AKT3: variants seen among roughly 807,000 people sequenced by gnomAD.
The protein encoded by AKT3 is AKT serine/threonine kinase 3, also known as RAC-gamma serine/threonine-protein kinase.
In AKT3, 15 loss-of-function variants were observed where a neutral mutation model predicts 65.3. The ratio of observed to expected loss-of-function variants is 0.23; its 90% CI spans 0.15 to 0.35. The LOEUF (loss-of-function observed/expected upper bound fraction) is 0.35. Ranked by LOEUF, AKT3 falls within the 10% of genes least tolerant of loss-of-function variation. AKT3 has a pLI of 1.00. For missense variants in AKT3, 243 were observed against 576.5 expected, an observed-to-expected ratio of 0.42 and a Z score of 5.92; for synonymous variants, 206 against 183.8, an observed-to-expected ratio of 1.12 and a Z score of -0.98.
chr1:243,588,353 G>GT (rs1485254288), intron 8 of AKT3, among the ~76,000 whole-genome samples: 1 of 152,190 alleles, frequency 6.6e-6, no homozygotes, highest in Non-Finnish European at 1.5e-5. Flanking sequence ...GGCAGTCAGA[G>GT]AAGAGTCATT....
chr1:243,780,623 A>G (rs1572337892), intron 2 of AKT3, among the ~76,000 whole-genome samples: 1 of 151,530 alleles, frequency 6.6e-6, no homozygotes, highest in Non-Finnish European at 1.5e-5. Flanking sequence ...AAGGGGAGAA[A>G]GAGAGGGAAC....
At chr1:243,497,591 A>G (rs1407444646), downstream of AKT3, among the ~76,000 whole-genome samples, 2 of 152,172 alleles carry the variant, frequency 1.3e-5, no homozygotes, top group African/African-American at 2.4e-5. Context: ...ATAAATTGCT[A>G]GGTGGCCTGG....
intron 2 of AKT3, among the ~76,000 whole-genome samples, chr1:243,715,887 G>T (rs971935375): frequency 6.6e-6 from 1 of 151,954 alleles, no homozygotes; most frequent in African/African-American, 2.4e-5. Context: ...TAATACTTAG[G>T]GTAAATGGGA....
Position 243,508,191 on chromosome 1 carries a change from C to T in AKT3, c.1355-2857G>A, listed in dbSNP as rs114966614. On this transcript the variant is annotated intron_variant, in intron 13 of 13. Coordinates refer to ENST00000673466, the MANE Select transcript of AKT3 (RefSeq NM_005465.7). ...ATCACCGTTCAAGGTTTCAGTGATT[C>T]TCATTTTATCTGCTCCTTAAGGGAA... Among the ~76,000 whole-genome samples, 133 of 152,316 alleles carry T rather than the reference C, an allele frequency of 8.7e-4. 1 individual carries two copies. Among genetic ancestry groups the T allele is most frequent in the African/African-American group, 3.0e-3 (123 of 41,572 alleles).
Position 243,849,386 on chromosome 1 carries a change from A to AC in AKT3, c.-113+653dup, listed in dbSNP as rs57424400. 5.5e-3 allele frequency among the ~76,000 whole-genome samples: 589 copies of AC among 106,954 alleles called. 3 individuals are homozygous for AC. Among genetic ancestry groups the AC allele is most frequent in the South Asian group, 0.01 (30 of 2,938 alleles). The allele number at this position is 106,954 out of a possible 152,430, so 70.2% of individuals were successfully genotyped here. On this transcript the variant is annotated intron_variant, in intron 1 of 13. Coordinates refer to ENST00000673466, the MANE Select transcript of AKT3 (RefSeq NM_005465.7). ...CACGTTACCCACCTCCCACACACACACCCCCCCCCCCACCCCACCAGTGCC... is the reference window on the plus strand; with the variant it reads ...CACGTTACCCACCTCCCACACACACACCCCCCCCCCCCACCCCACCAGTGCC...
At chr1:243,506,214 C>T (rs1268985370) in intron 13 of AKT3, among the ~76,000 whole-genome samples, 1 of 152,248 alleles carries the variant, frequency 6.6e-6, no homozygotes, top group African/African-American at 2.4e-5. Flanking sequence ...TCCCAAGGGC[C>T]CCCTGGCCTC....
chr1:243,672,209 G>A (rs916915375), intron 3 of AKT3, among the ~76,000 whole-genome samples: 1 of 152,154 alleles, frequency 6.6e-6, no homozygotes, highest in Non-Finnish European at 1.5e-5. Context: ...TAGGAGTAAC[G>A]GGAGGCGGTT....
intron 3 of AKT3, among the ~76,000 whole-genome samples, chr1:243,667,555 C>A (rs533509843): frequency 6.6e-6 from 1 of 152,186 alleles, no homozygotes; most frequent in Non-Finnish European, 1.5e-5. Context: ...CTCACCACCT[C>A]CACTACCTCA....
chr1:243,754,264 G>C (rs1341434839), intron 2 of AKT3, among the ~76,000 whole-genome samples: 1 of 152,176 alleles, frequency 6.6e-6, no homozygotes, highest in Non-Finnish European at 1.5e-5. Context: ...CTTGGTTACA[G>C]TCTCATGGCC....
At chr1:243,601,344 T>C (rs972007824) in intron 8 of AKT3, among the ~76,000 whole-genome samples, 1 of 151,792 alleles carries the variant, frequency 6.6e-6, no homozygotes, top group African/African-American at 2.4e-5. Flanking sequence ...AGAAAAGAAG[T>C]TCAATATCAT....
At chr1:243,743,568 T>C (rs918396472) in intron 2 of AKT3, among the ~76,000 whole-genome samples, 3 of 152,218 alleles carry the variant, frequency 2.0e-5, no homozygotes, top group Non-Finnish European at 2.9e-5. Flanking sequence ...CCAAATGTTT[T>C]AGAAAATAAC....
chr1:243,848,530 G>A (rs1370640792), intron 1 of AKT3, among the ~76,000 whole-genome samples: 1 of 152,008 alleles, frequency 6.6e-6, no homozygotes, highest in Non-Finnish European at 1.5e-5. Flanking sequence ...TTCCACCTTC[G>A]TTTTCCTAAG....
At chr1:243,674,069 T>C (rs1400608371) in intron 3 of AKT3, among the ~76,000 whole-genome samples, 1 of 152,212 alleles carries the variant, frequency 6.6e-6, no homozygotes, top group Non-Finnish European at 1.5e-5. Flanking sequence ...TAAACAGGGC[T>C]GGTCTCAAAT....
intron 2 of AKT3, chr1:243,814,445 A>G (rs564423733): frequency 1.3e-5 from 2 of 152,352 alleles, no homozygotes; most frequent in East Asian, 3.9e-4. Flanking sequence ...CTCATTCTAC[A>G]TATAAAATTT....
At chr1:243,508,840 AT>A (rs1014685631) in intron 13 of AKT3, among the ~76,000 whole-genome samples, 7 of 149,244 alleles carry the variant, frequency 4.7e-5, no homozygotes, top group East Asian at 2.0e-4. Context: ...TAATTTTTGT[AT>A]TTTTTTTTGT....
chr1:243,839,681 A>G lies in AKT3; in HGVS notation c.46+3444T>C, dbSNP rs78200679. ...AGCCCTTTTTTTATTTTCCAAGAAG[A>G]TATTTACTGAAAAGCAACTTACTCA... On this transcript the variant is annotated intron_variant, in intron 2 of 13. Coordinates refer to ENST00000673466, the MANE Select transcript of AKT3 (RefSeq NM_005465.7). Among the ~76,000 whole-genome samples, 359 of 152,254 alleles carry G rather than the reference A, an allele frequency of 2.4e-3. 2 individuals carry two copies. Among genetic ancestry groups the G allele is most frequent in the Non-Finnish European group, 4.4e-3 (299 of 68,014 alleles).
At chr1:243,789,202 A>G (rs187393831) in intron 2 of AKT3, among the ~76,000 whole-genome samples, 1,647 of 152,226 alleles carry the variant, frequency 0.011, 13 homozygotes, top group Non-Finnish European at 0.015. Flanking sequence ...AGAAAGCAAG[A>G]CCCTGTCTGT....
chr1:243,796,026 T>C (rs1003667218), intron 2 of AKT3, among the ~76,000 whole-genome samples: 1 of 152,146 alleles, frequency 6.6e-6, no homozygotes, highest in Non-Finnish European at 1.5e-5. Context: ...ATCTGGTGCC[T>C]CCAAATGCTG....
intron 2 of AKT3, among the ~76,000 whole-genome samples, chr1:243,768,615 A>G (rs1312657723): frequency 1.3e-5 from 2 of 152,158 alleles, no homozygotes; most frequent in East Asian, 3.9e-4. Context: ...AGGTGGGCAG[A>G]TCACAGGTCA....
Sources: allele counts gnomAD v4.1 joint callset (sites outside exome capture counted in the v4.1 genomes callset), GRCh38; gene constraint gnomAD v4.1.1; transcripts MANE v1.5; gene names NCBI Gene and HGNC (gene_info 2026-07-23, HGNC 2026-07-21).